SCD: variants seen among roughly 807,000 people sequenced by gnomAD.
SCD encodes stearoyl-CoA desaturase.
A neutral mutation model predicts 35.7 loss-of-function variants in SCD; 4 were observed. That is an observed-to-expected ratio of 0.11 (90% CI 0.06 to 0.26). The LOEUF is 0.26. SCD is among the 10% of genes least tolerant of loss of function. SCD has a pLI of 1.00. For missense variants in SCD, 282 were observed against 460.7 expected, an observed-to-expected ratio of 0.61 and a Z score of 3.55; for synonymous variants, 150 against 170.2, an observed-to-expected ratio of 0.88 and a Z score of 0.92.
In SCD at chr10:100,356,240, G is replaced by A. The variant is rs1440478393; in HGVS notation, c.648-292G>A. 2.0e-5 allele frequency among the ~76,000 whole-genome samples: 3 copies of A among 152,068 alleles called. No individual in the cohort carries two copies. The highest frequency in any genetic ancestry group is 6.6e-5 in the Admixed American group (1 of 15,266). On this transcript the variant is annotated intron_variant, in intron 4 of 5. Transcript: ENST00000370355. The surrounding 1 kb of genome is among the most constrained non-coding windows in gnomAD (Gnocchi z 4.1). ...AAAAAATTAAAAACTAAATGGGCACGATGGTTCATGCCTGTGGTCCCAGCT... is the reference window on the plus strand; with the variant it reads ...AAAAAATTAAAAACTAAATGGGCACAATGGTTCATGCCTGTGGTCCCAGCT...
intron 5 of SCD, among the ~76,000 whole-genome samples, chr10:100,360,278 C>T (rs1321561679): frequency 6.6e-6 from 1 of 152,244 alleles, no homozygotes; most frequent in Non-Finnish European, 1.5e-5. Flanking sequence ...GCCTTGAGGG[C>T]AGGGCCAAGA....
At chr10:100,351,045 A>G (rs1484907061) in intron 2 of SCD, among the ~76,000 whole-genome samples, 1 of 152,170 alleles carries the variant, frequency 6.6e-6, no homozygotes, top group Non-Finnish European at 1.5e-5. Context: ...ACACAGGACA[A>G]TTTGTTACAA....
At position 100,352,602 on chromosome 10, in the gene SCD, C is replaced by A; in HGVS notation, c.441+106C>A. ...GAGGAGCCACACCTGACAGCCATTT[C>A]ACTTTCCTCTCTCCTGTAGTCACCT... On this transcript the variant is annotated intron_variant, in intron 3 of 5. Coordinates refer to ENST00000370355, the MANE Select transcript of SCD (RefSeq NM_005063.5). The surrounding 1 kb of genome is among the most constrained non-coding windows in gnomAD (Gnocchi z 4.2). 9.2e-7 allele frequency: 1 copy of A among 1,086,046 alleles called. No individual in the cohort carries two copies. Among genetic ancestry groups the A allele is most frequent in the South Asian group, 1.4e-5 (1 of 72,354 alleles). The allele number at this position is 1,086,046 out of a possible 1,614,324, so 67.3% of individuals were successfully genotyped here.
chr10:100,357,814 G>A, intron 5 of SCD, among the ~76,000 whole-genome samples: 1 of 151,750 alleles, frequency 6.6e-6, no homozygotes, highest in Non-Finnish European at 1.5e-5. Context: ...TTTCACCAAG[G>A]CCCTGAATGA....
At chr10:100,348,862 T>C (rs1021302437) in intron 2 of SCD, among the ~76,000 whole-genome samples, 1 of 152,146 alleles carries the variant, frequency 6.6e-6, no homozygotes, top group African/African-American at 2.4e-5. Flanking sequence ...CAAAACTATT[T>C]TGACCTGACC....
chr10:100,354,119 A>G (rs568326605), intron 3 of SCD, among the ~76,000 whole-genome samples: 4 of 152,228 alleles, frequency 2.6e-5, no homozygotes, highest in Non-Finnish European at 5.9e-5. Flanking sequence ...AAGAATTGCA[A>G]TGTTCTCACT....
chr10:100,360,801 C>T lies in SCD; in HGVS notation c.948C>T (p.His316=), dbSNP rs1303033406. Reference sequence around the variant, plus strand: ...ACTCTGCCAGTGAGTACCGCTGGCACATCAACTTCACCACATTCTTCATTG... The same window carrying T: ...ACTCTGCCAGTGAGTACCGCTGGCATATCAACTTCACCACATTCTTCATTG... ...YDYSASEYRW[H]INFTTFFIDC... is the part of the protein sequence containing the mutation. Residue 316 remains histidine (H), a synonymous_variant, in exon 6 of 6, where the codon CAC becomes CAT. Coordinates refer to ENST00000370355, the MANE Select transcript of SCD (RefSeq NM_005063.5). 3 of 1,613,934 alleles carry T rather than the reference C, an allele frequency of 1.9e-6. No homozygotes were observed. The highest frequency in any genetic ancestry group is 2.5e-6 in the Non-Finnish European group (3 of 1,179,820).
Position 100,364,526 on chromosome 10 carries a change from G to C in SCD, c.*3593G>C, listed in dbSNP as rs1188272603. 5 of 152,574 alleles carry C rather than the reference G, an allele frequency of 3.3e-5. No homozygotes were observed. Among genetic ancestry groups the C allele is most frequent in the African/African-American group, 1.2e-4 (5 of 41,436 alleles). The allele number at this position is 152,574 out of a possible 1,614,324, so 9.5% of individuals were successfully genotyped here. Reference sequence around the variant, plus strand: ...TGTCCACCATGAACTTGATACGTCCGTGTGTCCCAGATGCTGTCATTAGTC... The same window carrying C: ...TGTCCACCATGAACTTGATACGTCCCTGTGTCCCAGATGCTGTCATTAGTC... On this transcript the variant is annotated 3_prime_UTR_variant, in exon 6 of 6. Coordinates refer to ENST00000370355, the MANE Select transcript of SCD (RefSeq NM_005063.5).
At chr10:100,353,082 A>G (rs1449822653) in intron 3 of SCD, among the ~76,000 whole-genome samples, 1 of 152,202 alleles carries the variant, frequency 6.6e-6, no homozygotes, top group African/African-American at 2.4e-5. Flanking sequence ...AGATAATGAG[A>G]GCAAACACTT....
chr10:100,359,413 TACCCGTTG>T (rs1849966341), intron 5 of SCD, among the ~76,000 whole-genome samples: 1 of 152,224 alleles, frequency 6.6e-6, no homozygotes, highest in Admixed American at 6.5e-5. Flanking sequence ...GTCTTCTTTC[TACCCGTTG>T]ACCCTCTTCT....
Position 100,347,421 on chromosome 10 carries a change from C to A in SCD, c.-84C>A. ...CGGCTCAGCGCGTACCGGCGGGCTT[C>A]GAAACCGCAGTCCTCCGGCGACCCC... On this transcript the variant is annotated 5_prime_UTR_variant, in exon 1 of 6. Coordinates refer to ENST00000370355, the MANE Select transcript of SCD (RefSeq NM_005063.5). The A allele has an allele frequency of 1.3e-6, 2 of 1,485,468 alleles. No individual in the cohort carries two copies. Among genetic ancestry groups the A allele is most frequent in the Non-Finnish European group, 1.8e-6 (2 of 1,085,926 alleles). 92.0% of individuals were successfully genotyped at this position (1,485,468 alleles called of 1,614,324 possible).
chr10:100,354,373 T>TCCTAATAGGGTGTCTATCCTCAAG, intron 3 of SCD, 54 bp from the exon 4 acceptor site: 1 of 1,495,264 alleles, frequency 6.7e-7, no homozygotes, highest in Non-Finnish European at 9.3e-7. Context: ...ATTGGGATTC[T>TCCTAATAGGGTGTCTATCCTCAAG]CCTAATAGGG....
At chr10:100,358,173 T>A (rs1045355385) in intron 5 of SCD, among the ~76,000 whole-genome samples, 1 of 152,114 alleles carries the variant, frequency 6.6e-6, no homozygotes, top group African/African-American at 2.4e-5. Context: ...CTAATTTTTC[T>A]ATTTTTTTGT....
Position 100,361,593 on chromosome 10 carries a change from A to G in SCD, c.*660A>G, listed in dbSNP as rs1297586314. 2.0e-5 allele frequency: 3 copies of G among 152,348 alleles called. No homozygotes were observed. In the East Asian group the frequency reaches 5.8e-4, roughly 29 times the overall value. The allele number at this position is 152,348 out of a possible 1,614,324, so 9.4% of individuals were successfully genotyped here. A position where few individuals can be genotyped will look rare whatever the true frequency, so the allele number is the denominator to read the frequency against. On this transcript the variant is annotated 3_prime_UTR_variant, in exon 6 of 6. Transcript: ENST00000370355. ...ATGAGGACTTCAAGCCCCACCACAT[A>G]GCATGCTTCCTTTCTCTCCTGGCTC...
rs200171061 is a variant in SCD at position 100,354,626 on chromosome 10, A to G, written c.641A>G (p.Gln214Arg). 3 of 1,613,900 alleles carry G rather than the reference A, an allele frequency of 1.9e-6. No individual in the cohort carries two copies. Among genetic ancestry groups the G allele is most frequent in the Non-Finnish European group, 2.5e-6 (3 of 1,179,744 alleles). Residue 214 changes from glutamine (Q) to arginine (R), a missense_variant, in exon 4 of 6, where the codon CAG (glutamine) becomes CGG (arginine). This residue lies in a region of SCD where 205 missense variants were observed against 372.3 expected (regional missense o/e 0.55). Transcript: ENST00000370355. ...GAAGCTGAGAAACTGGTGATGTTCC[A>G]GAGGAGGTGAGTGAAGCCCTGATGG... ...DLEAEKLVMF[Q>R]RRYYKPGLLM...
Position 100,348,146 on chromosome 10 carries a change from CG to C in SCD, c.111del (p.Met38CysfsTer13). The C allele has an allele frequency of 6.2e-7, 1 of 1,613,832 alleles. No individual in the cohort carries two copies. Among genetic ancestry groups the C allele is most frequent in the South Asian group, 1.1e-5 (1 of 91,078 alleles). ...VLQNGGDKLE[T>X]MPLYLEDDIR... is the part of the protein sequence containing the mutation. ...CAGAATGGAGGAGATAAGTTGGAGA[CG>C]ATGCCCCTCTACTTGGAAGACGACA... On this transcript the variant is annotated frameshift_variant, in exon 2 of 6. Transcript: ENST00000370355. LOFTEE classifies it high-confidence loss of function.
In SCD at chr10:100,347,551, C is replaced by T. The variant is rs375149973; in HGVS notation, c.27+20C>T. Reference sequence around the variant, plus strand: ...GACGATGTGAGTTTCCCAGCCTGGCCCCGTACCGCCGGGTCGCAGGCGCGG... The same window carrying T: ...GACGATGTGAGTTTCCCAGCCTGGCTCCGTACCGCCGGGTCGCAGGCGCGG... On this transcript the variant is annotated intron_variant, in intron 1 of 5. Coordinates refer to ENST00000370355, the MANE Select transcript of SCD (RefSeq NM_005063.5). The T allele has an allele frequency of 2.4e-5, 39 of 1,613,364 alleles. No homozygotes were observed. Among genetic ancestry groups the T allele is most frequent in the Non-Finnish European group, 3.3e-5 (39 of 1,179,704 alleles).
At chr10:100,347,951 C>T in intron 1 of SCD, 113 bp from the exon 2 acceptor site, 1 of 1,066,984 alleles carries the variant, frequency 9.4e-7, no homozygotes, top group Non-Finnish European at 1.4e-6. Flanking sequence ...AACTACGGCG[C>T]TGCGGAAGGG....
intron 5 of SCD, among the ~76,000 whole-genome samples, chr10:100,358,426 C>G (rs946087154): frequency 6.6e-5 from 10 of 151,238 alleles, no homozygotes; most frequent in Non-Finnish European, 1.5e-4. Flanking sequence ...CCCGTCTCTA[C>G]TAAAAATACA....
Sources: gnomAD v4.1 joint callset for allele counts (sites outside exome capture counted in the v4.1 genomes callset) on GRCh38, gnomAD v4.1.1 for gene constraint, gnomAD v4.1.1 regional missense constraint, Gnocchi (gnomAD v3.1) non-coding constraint, MANE v1.5 for transcripts, NCBI Gene and HGNC (gene_info 2026-07-23, HGNC 2026-07-21) for gene names.